The following TSHB variants were observed in gnomAD, a reference collection of about 807,000 sequenced individuals.
The protein encoded by TSHB is thyroid stimulating hormone subunit beta.
A neutral mutation model predicts 9.3 loss-of-function variants in TSHB; 9 were observed. That is an observed-to-expected ratio of 0.97 (90% CI 0.58 to 1.69). The LOEUF (loss-of-function observed/expected upper bound fraction) is 1.69. TSHB is among the 40% of genes most tolerant of loss of function. The pLI, the probability that TSHB is intolerant of heterozygous loss-of-function variation, is 0.00. For synonymous variants in TSHB, 57 were observed against 57.2 expected, an observed-to-expected ratio of 1.00 and a Z score of 0.01; for missense variants, 182 against 168.5, an observed-to-expected ratio of 1.08 and a Z score of -0.44.
Position 115,033,958 on chromosome 1 carries a change from C to T in TSHB, c.163-15C>T, listed in dbSNP as rs759087684. 6 of 1,612,510 alleles carry T rather than the reference C, an allele frequency of 3.7e-6. No homozygotes were observed. The Admixed American group carries it at 1.0e-4, about 27-fold the overall frequency. On this transcript the variant is annotated splice_polypyrimidine_tract_variant and intron_variant, in intron 2 of 2. Coordinates refer to ENST00000256592, the MANE Select transcript of TSHB (RefSeq NM_000549.5). ...GTCCTGTCACATTATGCTCTCTTTT[C>T]TGTTCTTTCCCCAGGATATCAATGG...
intron 1 of TSHB, among the ~76,000 whole-genome samples, chr1:115,031,161 G>A (rs569132504): frequency 7.9e-5 from 12 of 151,930 alleles, no homozygotes; most frequent in South Asian, 2.1e-4. Flanking sequence ...TTTACTATTC[G>A]CAATAAAGAA....
chr1:115,031,664 G>A (rs573456655), intron 1 of TSHB, among the ~76,000 whole-genome samples: 79 of 152,092 alleles, frequency 5.2e-4, no homozygotes, highest in Non-Finnish European at 7.4e-4. Flanking sequence ...TAATTTACCA[G>A]TTAGTAATTT....
chr1:115,033,719 T>C (rs1015301762), intron 2 of TSHB, among the ~76,000 whole-genome samples, 195 bp downstream of exon 2: 3 of 152,114 alleles, frequency 2.0e-5, no homozygotes, highest in African/African-American at 7.2e-5. Flanking sequence ...CATAATTTTA[T>C]AACAGTTTTG....
chr1:115,033,989 T>A lies in TSHB; in HGVS notation c.179T>A (p.Leu60Gln). 6.2e-7 allele frequency: 1 copy of A among 1,613,684 alleles called. No homozygotes were observed. The highest frequency in any genetic ancestry group is 1.1e-5 in the South Asian group (1 of 91,072). ...YCMTRDINGK[L>Q]FLPKYALSQD... ...TTTCCCCAGGATATCAATGGCAAAC[T>A]GTTTCTTCCCAAATATGCTCTGTCC... Residue 60 changes from leucine (L) to glutamine (Q), a missense_variant, in exon 3 of 3, where the codon CTG (leucine) becomes CAG (glutamine). By Grantham distance (113) the Leu-to-Gln change is moderately radical. Coordinates refer to ENST00000256592, the MANE Select transcript of TSHB (RefSeq NM_000549.5).
rs745666582 is a variant in TSHB, at chr1:115,034,167, C to T, written c.357C>T (p.Ala119=). 1.2e-6 allele frequency: 2 copies of T among 1,613,796 alleles called. No individual in the cohort carries two copies. Among genetic ancestry groups the T allele is most frequent in the South Asian group, 1.1e-5 (1 of 91,074 alleles). ...NTDYSDCIHE[A]IKTNYCTKPQ... ...ACTATAGTGACTGCATACATGAAGC[C>T]ATCAAGACAAACTACTGTACCAAAC... is the stretch of plus-strand genomic sequence containing the variant. Residue 119 remains alanine, a synonymous_variant, in exon 3 of 3, where the codon GCC becomes GCT. Coordinates refer to ENST00000256592, the MANE Select transcript of TSHB (RefSeq NM_000549.5).
intron 1 of TSHB, 50 bp from the exon 2 acceptor site, chr1:115,033,312 G>A: frequency 6.3e-7 from 1 of 1,578,230 alleles, no homozygotes; most frequent in Non-Finnish European, 8.7e-7. Context: ...TGGTTTCTTT[G>A]CCCTTTCTGA....
chr1:115,030,461 G>T (rs1392917435), intron 1 of TSHB, among the ~76,000 whole-genome samples: 3 of 151,962 alleles, frequency 2.0e-5, no homozygotes, highest in East Asian at 3.8e-4. Flanking sequence ...CATAGTAAGG[G>T]ATTTGGAGAG....
At chr1:115,033,845 G>A (rs1175683458) in intron 2 of TSHB, 128 bp from the exon 3 acceptor site, 2 of 1,357,452 alleles carry the variant, frequency 1.5e-6, no homozygotes, top group Admixed American at 1.7e-5. Flanking sequence ...GGAGAATGGG[G>A]CTAAGCAATT....
intron 1 of TSHB, among the ~76,000 whole-genome samples, chr1:115,032,288 T>C (rs1263123158): frequency 6.6e-6 from 1 of 151,988 alleles, no homozygotes. Context: ...TGGTTTCTTA[T>C]AAGTTGATTG....
chr1:115,034,070 G>T lies in TSHB; in HGVS notation c.260G>T (p.Cys87Phe). Residue 87 changes from cysteine (C) to phenylalanine (F), a missense_variant, in exon 3 of 3, where the codon TGC becomes TTC. Physicochemically the swap from Cys to Phe is radical, Grantham distance 205. Transcript: ENST00000256592. ...FIYRTVEIPG[C>F]PLHVAPYFSY... ...TACAGGACTGTAGAAATACCAGGAT[G>T]CCCACTCCATGTTGCTCCCTATTTT... is the stretch of plus-strand genomic sequence containing the variant. 1.2e-6 allele frequency: 2 copies of T among 1,613,742 alleles called. No homozygotes were observed. The highest frequency in any genetic ancestry group is 1.1e-5 in the South Asian group (1 of 91,070).
At chr1:115,031,392 C>T (rs1422567611) in intron 1 of TSHB, among the ~76,000 whole-genome samples, 1 of 151,972 alleles carries the variant, frequency 6.6e-6, no homozygotes, top group Admixed American at 6.6e-5. Context: ...GTGTACTTGT[C>T]ACTTTCTATT....
intron 1 of TSHB, 27 bp from the exon 2 acceptor site, chr1:115,033,335 G>A (rs774069373): frequency 1.2e-6 from 2 of 1,611,756 alleles, no homozygotes; most frequent in South Asian, 2.2e-5. Flanking sequence ...TTAACAAATA[G>A]GTTCTTTAAT....
chr1:115,033,426 T>A lies in TSHB; in HGVS notation c.64T>A (p.Cys22Ser). ...GLTCGQAMSF[C>S]IPTEYTMHIE... ...TACATGTGGGCAAGCGATGTCTTTTTGTATTCCAACTGAGTATACAATGCA... is the reference window on the plus strand; with the variant it reads ...TACATGTGGGCAAGCGATGTCTTTTAGTATTCCAACTGAGTATACAATGCA... The change falls in exon 2 of 3, where the codon TGT becomes AGT. Residue 22 changes from cysteine (C) to serine (S), a missense_variant. By Grantham distance (112) the Cys-to-Ser change is moderately radical. Transcript: ENST00000256592. The A allele has an allele frequency of 6.2e-7, 1 of 1,613,534 alleles. No individual in the cohort carries two copies. Among genetic ancestry groups the A allele is most frequent in the Non-Finnish European group, 8.5e-7 (1 of 1,179,480 alleles).
chr1:115,032,761 G>A (rs1350902482), intron 1 of TSHB, among the ~76,000 whole-genome samples: 1 of 151,742 alleles, frequency 6.6e-6, no homozygotes, highest in Non-Finnish European at 1.5e-5. Flanking sequence ...ATATTGATAT[G>A]ATATATCCAA....
At chr1:115,030,987 T>G (rs1416906752) in intron 1 of TSHB, among the ~76,000 whole-genome samples, 4 of 141,026 alleles carry the variant, frequency 2.8e-5, no homozygotes, top group Non-Finnish European at 6.3e-5. Context: ...TTAAGTAGAA[T>G]TTAGATCACT....
intron 1 of TSHB, among the ~76,000 whole-genome samples, chr1:115,030,954 T>G (rs1271119221): frequency 1.3e-5 from 2 of 151,936 alleles, no homozygotes; most frequent in African/African-American, 4.8e-5. Flanking sequence ...ATTGCTCAGT[T>G]GCACACAATT....
intron 1 of TSHB, among the ~76,000 whole-genome samples, chr1:115,032,424 G>C (rs1250533565): frequency 2.6e-5 from 4 of 151,922 alleles, no homozygotes; most frequent in Non-Finnish European, 5.9e-5. Context: ...TGGTACTTCT[G>C]ATTATTGAAC....
At chr1:115,031,075 A>G (rs1393226199) in intron 1 of TSHB, among the ~76,000 whole-genome samples, 1 of 152,016 alleles carries the variant, frequency 6.6e-6, no homozygotes, top group East Asian at 1.9e-4. Context: ...GAAGATTTTC[A>G]TGATCATCTT....
intron 1 of TSHB, among the ~76,000 whole-genome samples, chr1:115,031,416 A>C (rs1236601994): frequency 6.6e-6 from 1 of 152,018 alleles, no homozygotes; most frequent in Non-Finnish European, 1.5e-5. Context: ...CAGATGGGGA[A>C]ATAACACTCA....
Sources: gnomAD v4.1 joint callset for allele counts (sites outside exome capture counted in the v4.1 genomes callset) on GRCh38, gnomAD v4.1.1 for gene constraint, MANE v1.5 for transcripts, NCBI Gene and HGNC (gene_info 2026-07-23, HGNC 2026-07-21) for gene names.